ADGRG4: variants seen among roughly 807,000 people sequenced by gnomAD.
ADGRG4 encodes the protein adhesion G protein-coupled receptor G4, also known as G protein-coupled receptor 112.
In ADGRG4, 122 loss-of-function variants were observed where a neutral mutation model predicts 126.2. The ratio of observed to expected loss-of-function variants is 0.97; its 90% CI spans 0.83 to 1.12. ADGRG4 has a LOEUF of 1.12. Among genes scored for constraint, ADGRG4 ranks in the 50% most tolerant of loss-of-function variants. ADGRG4 has a pLI of 0.00. For synonymous variants in ADGRG4, 943 were observed against 838.7 expected (o/e 1.12, Z -2.15); for missense variants, 2,481 against 2,251.8 (o/e 1.10, Z -2.06).
intron 5 of ADGRG4, among the ~76,000 whole-genome samples, chrX:136,325,553 G>C (rs1218438908): frequency 9.0e-6 from 1 of 111,454 alleles, no homozygotes; most frequent in Non-Finnish European, 1.9e-5. Context: ...GGAACCGGAA[G>C]TATGGCCTTA....
Position 136,361,586 on chromosome X carries a change from T to G in ADGRG4, c.7276T>G (p.Cys2426Gly). 8.6e-7 allele frequency: 1 copy of G among 1,167,411 alleles called. No homozygotes were observed. Among genetic ancestry groups the G allele is most frequent in the South Asian group, 2.1e-5 (1 of 48,233 alleles). Residue 2426 changes from cysteine (C) to glycine (G), a missense_variant and splice_region_variant, in exon 12 of 26, where the codon TGT becomes GGT. Physicochemically the swap from Cys to Gly is radical, Grantham distance 159. Transcript: ENST00000394143. ...KNEDGNATRFCSISINTGKSQ... is the reference protein window; with the variant it reads ...KNEDGNATRFGSISINTGKSQ... ...TGAGGATGGAAATGCCACAAGATTC[T>G]GGTATGTACAGGCCAAGTTCTAATT...
intron 25 of ADGRG4, among the ~76,000 whole-genome samples, chrX:136,414,784 C>G (rs1017913566): frequency 8.9e-6 from 1 of 112,068 alleles, no homozygotes; most frequent in African/African-American, 3.2e-5. Context: ...TCACTCAGCC[C>G]TCAGCCATCC....
rs1054737521 is a variant in ADGRG4 at position 136,349,980 on chromosome X, A to G, written c.6274A>G (p.Ile2092Val). Reference sequence around the variant, plus strand: ...CTTCCCAACTTCTCTCCCTATGTCTATAAATGTCACAGATGACATTGTGTA... The same window carrying G: ...CTTCCCAACTTCTCTCCCTATGTCTGTAAATGTCACAGATGACATTGTGTA... ...TGFPTSLPMS[I>V]NVTDDIVYIS... The change falls in exon 6 of 26, where the codon ATA (isoleucine) becomes GTA (valine). Residue 2092 changes from isoleucine to valine, a missense_variant. By Grantham distance (29) the Ile-to-Val change is conservative (BLOSUM62 3). Coordinates refer to ENST00000394143, the MANE Select transcript of ADGRG4 (RefSeq NM_153834.4). 1 of 1,209,301 alleles carries G rather than the reference A, an allele frequency of 8.3e-7. No individual in the cohort carries two copies. The highest frequency in any genetic ancestry group is 1.7e-5 in the African/African-American group (1 of 57,672).
intron 15 of ADGRG4, among the ~76,000 whole-genome samples, chrX:136,377,863 C>A (rs1371042484): frequency 9.7e-6 from 1 of 102,883 alleles, no homozygotes; most frequent in Non-Finnish European, 2.0e-5. Flanking sequence ...TTTTTAAACT[C>A]GTATGTTATT....
chrX:136,334,084 CTT>C (rs2074932609), intron 5 of ADGRG4, among the ~76,000 whole-genome samples: 1 of 15,011 alleles, frequency 6.7e-5, no homozygotes, highest in Non-Finnish European at 1.2e-4. Flanking sequence ...CTCTTTCTTT[CTT>C]TCTTTCTTTC....
Position 136,349,730 on chromosome X carries a change from A to G in ADGRG4, c.6024A>G (p.Thr2008=), listed in dbSNP as rs757685885. 10 of 1,207,847 alleles carry G rather than the reference A, an allele frequency of 8.3e-6. No individual in the cohort carries two copies. The Admixed American group carries it at 1.8e-4, about 21-fold the overall frequency. Residue 2008 remains threonine (T), a synonymous_variant, in exon 6 of 26, where the codon ACA becomes ACG. Transcript: ENST00000394143. ...GSVISKSPIL[T]WLLSSLPSGS... is the part of the protein sequence containing the mutation. ...TAATTTCAAAGTCACCCATTCTGAC[A>G]TGGCTCTTATCTAGTCTCCCTTCTG...
rs968478872 is a variant in ADGRG4, at chrX:136,339,541, A to G, written c.686-4851A>G. On this transcript the variant is annotated intron_variant, in intron 5 of 25. Transcript: ENST00000394143. ...TGTCAGAGGGACTCCCATTTGATCC[A>G]GAAGGGGAATGAGCCTACTTGGACT... Among the ~76,000 whole-genome samples the G allele has an allele frequency of 2.7e-5, 3 of 112,017 alleles. No homozygotes were observed. The Admixed American group carries it at 2.8e-4, about 11-fold the overall frequency.
intron 11 of ADGRG4, among the ~76,000 whole-genome samples, chrX:136,360,323 T>C (rs1422582499): frequency 9.0e-6 from 1 of 111,099 alleles, no homozygotes; most frequent in Non-Finnish European, 1.9e-5. Context: ...ACCCAGTAAG[T>C]GCTCAGAAAA....
At chrX:136,315,944 T>C (rs889436881) in intron 4 of ADGRG4, among the ~76,000 whole-genome samples, 4 of 111,629 alleles carry the variant, frequency 3.6e-5, no homozygotes, top group Non-Finnish European at 7.5e-5. Context: ...ACAGATTCTC[T>C]CTCACAGCTC....
At chrX:136,332,137 C>T (rs1192769346) in intron 5 of ADGRG4, among the ~76,000 whole-genome samples, 8 of 105,714 alleles carry the variant, frequency 7.6e-5, no homozygotes, top group East Asian at 2.9e-4. Context: ...GTATATCTCC[C>T]GATGCTATCC....
In ADGRG4 at chrX:136,345,492, G is replaced by A; in HGVS notation, c.1786G>A (p.Glu596Lys). 8.3e-7 allele frequency: 1 copy of A among 1,211,112 alleles called. No homozygotes were observed. The highest frequency in any genetic ancestry group is 1.1e-6 in the Non-Finnish European group (1 of 895,131). The change falls in exon 6 of 26, where the codon GAA becomes AAA. Residue 596 changes from glutamate (E) to lysine (K), a missense_variant. Physicochemically the swap from Glu to Lys is moderately conservative, Grantham distance 56. Coordinates refer to ENST00000394143, the MANE Select transcript of ADGRG4 (RefSeq NM_153834.4). ...AATCACACTTGCATCTACAGTGGCTGAAACTATGCTTTCCTCCACAATCAC... is the reference window on the plus strand; with the variant it reads ...AATCACACTTGCATCTACAGTGGCTAAAACTATGCTTTCCTCCACAATCAC... ...PEITLASTVAETMLSSTITGR... is the reference protein window; with the variant it reads ...PEITLASTVAKTMLSSTITGR...
chrX:136,340,702 T>C (rs960655981), intron 5 of ADGRG4, among the ~76,000 whole-genome samples: 1 of 111,584 alleles, frequency 9.0e-6, no homozygotes, highest in Non-Finnish European at 1.9e-5. Context: ...GCATACATTA[T>C]GAGAAATTGA....
chrX:136,314,254 C>A (rs946211637), intron 4 of ADGRG4, among the ~76,000 whole-genome samples: 1 of 111,405 alleles, frequency 9.0e-6, no homozygotes, highest in African/African-American at 3.3e-5. Context: ...TTTAATATAT[C>A]AAGTCAGATC....
At position 136,346,569 on chromosome X, in the gene ADGRG4, A is replaced by G. The variant is rs2075018675; in HGVS notation, c.2863A>G (p.Thr955Ala). 3 of 1,210,377 alleles carry G rather than the reference A, an allele frequency of 2.5e-6. No homozygotes were observed. Among genetic ancestry groups the G allele is most frequent in the Non-Finnish European group, 3.4e-6 (3 of 894,783 alleles). Residue 955 changes from threonine (T) to alanine (A), a missense_variant, in exon 6 of 26, where the codon ACT becomes GCT. Coordinates refer to ENST00000394143, the MANE Select transcript of ADGRG4 (RefSeq NM_153834.4). ...TSEGISAGSP[T>A]SGSTHIFGEP... is the part of the protein sequence containing the mutation. The stretch of plus-strand genomic sequence containing the variant: ...TGAGGGAATTTCAGCTGGATCTCCC[A>G]CTTCTGGGAGCACACATATATTCGG...
intron 12 of ADGRG4, among the ~76,000 whole-genome samples, chrX:136,362,394 G>A (rs2075133503): frequency 9.0e-6 from 1 of 111,034 alleles, no homozygotes; most frequent in Non-Finnish European, 1.9e-5. Context: ...CACTATTAGA[G>A]CGGTCTCCTT....
intron 15 of ADGRG4, among the ~76,000 whole-genome samples, chrX:136,378,197 T>C (rs1379727628): frequency 9.0e-6 from 1 of 111,557 alleles, no homozygotes; most frequent in African/African-American, 3.3e-5. Context: ...ATAAATTTAT[T>C]CCTAAGTATT....
intron 13 of ADGRG4, among the ~76,000 whole-genome samples, chrX:136,364,171 A>G (rs1235130639): frequency 2.7e-5 from 3 of 110,905 alleles, no homozygotes; most frequent in Admixed American, 9.6e-5. Context: ...AAAAGTTTTA[A>G]TAGGTAATAC....
At chrX:136,410,058 T>C (rs1404772226) in intron 23 of ADGRG4, among the ~76,000 whole-genome samples, 1 of 112,525 alleles carries the variant, frequency 8.9e-6, no homozygotes, top group African/African-American at 3.2e-5. Context: ...GCCTGCCATA[T>C]ACTAATTGCT....
intron 15 of ADGRG4, among the ~76,000 whole-genome samples, chrX:136,382,631 C>A (rs1001470826): frequency 2.7e-5 from 3 of 111,686 alleles, no homozygotes; most frequent in African/African-American, 9.8e-5. Flanking sequence ...TCCCATTGAC[C>A]TTAATCACAG....
Sources: allele counts gnomAD v4.1 joint callset (sites outside exome capture counted in the v4.1 genomes callset), GRCh38; gene constraint gnomAD v4.1.1; transcripts MANE v1.5; gene names NCBI Gene and HGNC (gene_info 2026-07-23, HGNC 2026-07-21).